The following CHM variants were observed in gnomAD, a reference collection of about 807,000 sequenced individuals.
CHM encodes rab proteins geranylgeranyltransferase component A 1.
A neutral mutation model predicts 49.0 loss-of-function variants in CHM; 10 were observed. That is an observed-to-expected ratio of 0.20 (90% CI 0.13 to 0.35). CHM has a LOEUF of 0.35. CHM is among the 10% of genes least tolerant of loss of function. The pLI, the probability that CHM is intolerant of heterozygous loss-of-function variation, is 1.00. For synonymous variants in CHM, 184 were observed against 167.5 expected (o/e 1.10, Z -0.76); for missense variants, 455 against 478.4 (o/e 0.95, Z 0.46).
At position 86,021,157 on chromosome X, in the gene CHM, T is replaced by TATATAC. The variant is rs1174140484; in HGVS notation, c.116+6333_116+6334insGTATAT. 3.7e-4 allele frequency among the ~76,000 whole-genome samples: 19 copies of TATATAC among 51,119 alleles called. 1 individual carries two copies. In the East Asian group the frequency reaches 7.7e-3, roughly 21 times the overall value. The allele number at this position is 51,119 out of a possible 115,157, so 44.4% of individuals were successfully genotyped here. A position where few individuals can be genotyped will look rare whatever the true frequency, so the allele number is the denominator to read the frequency against. On this transcript the variant is annotated intron_variant, in intron 2 of 14. Transcript: ENST00000357749. ...ATATATATATATATATATATATATA[T>TATATAC]ACACGTATATATATGTGTATATATA...
chrX:85,933,609 AG>A (rs1453983325), intron 8 of CHM, among the ~76,000 whole-genome samples: 1 of 112,282 alleles, frequency 8.9e-6, no homozygotes, highest in Non-Finnish European at 1.9e-5. Flanking sequence ...GCTATTTAAA[AG>A]GGTTATTTTA....
At chrX:86,039,833 G>C (rs746370048) in intron 1 of CHM, among the ~76,000 whole-genome samples, 1 of 111,366 alleles carries the variant, frequency 9.0e-6, no homozygotes, top group Non-Finnish European at 1.9e-5. Context: ...GAAGTGGCTC[G>C]ACTTCAGAGG....
intron 11 of CHM, among the ~76,000 whole-genome samples, 174 bp downstream of exon 11, chrX:85,900,472 T>G (rs377169419): frequency 4.0e-4 from 45 of 111,577 alleles, no homozygotes; most frequent in South Asian, 1.9e-3. Flanking sequence ...TATGGTATTA[T>G]ATATTTAAAA....
intron 8 of CHM, among the ~76,000 whole-genome samples, chrX:85,925,192 C>A (rs1928013530): frequency 9.0e-6 from 1 of 111,224 alleles, no homozygotes; most frequent in Non-Finnish European, 1.9e-5. Flanking sequence ...ATGTTTGGGT[C>A]AAACCCTAGC....
chrX:85,958,750 T>C lies in CHM; in HGVS notation c.819+111A>G. ...ACATTTGTAAATCACCACGGAGGAC[T>C]GGAATTTACTGCTTTATGAGGAAAA... On this transcript the variant is annotated intron_variant, in intron 6 of 14. Transcript: ENST00000357749. The C allele has an allele frequency of 7.1e-6, 8 of 1,121,334 alleles. No individual in the cohort carries two copies. The South Asian group carries it at 1.5e-4, about 22-fold the overall frequency. The allele number at this position is 1,121,334 out of a possible 1,213,427, so 92.4% of individuals were successfully genotyped here. A position where few individuals can be genotyped will look rare whatever the true frequency, so the allele number is the denominator to read the frequency against.
At position 85,937,672 on chromosome X, in the gene CHM, C is replaced by T. The variant is rs750545037; in HGVS notation, c.1166+18481G>A. Among the ~76,000 whole-genome samples the T allele has an allele frequency of 8.3e-5, 9 of 108,859 alleles. No individual in the cohort carries two copies. In the South Asian group the frequency reaches 3.7e-3, roughly 45 times the overall value. 94.5% of individuals were successfully genotyped at this position (108,859 alleles called of 115,157 possible). On this transcript the variant is annotated intron_variant, in intron 8 of 14. Coordinates refer to ENST00000357749, the MANE Select transcript of CHM (RefSeq NM_000390.4). ...CAGCCTGGGCAACATGGTGAAACCC[C>T]ACCTCCACTAAAAATACAAAAATTA...
chrX:85,975,263 A>G (rs1931189117), intron 4 of CHM, among the ~76,000 whole-genome samples: 1 of 112,310 alleles, frequency 8.9e-6, no homozygotes, highest in African/African-American at 3.2e-5. Flanking sequence ...TGCAATTACC[A>G]TATGACCCAG....
intron 4 of CHM, chrX:85,971,008 G>A (rs1930869291): frequency 1.5e-6 from 1 of 658,683 alleles, no homozygotes; most frequent in Admixed American, 8.9e-5. Context: ...CCTTTAAGTT[G>A]AATAATACTT....
rs1463689817 is a variant in CHM at position 85,962,986 on chromosome X, A to G, written c.702+679T>C. 2.7e-5 allele frequency among the ~76,000 whole-genome samples: 3 copies of G among 111,363 alleles called. No individual in the cohort carries two copies. The East Asian group carries it at 8.5e-4, about 32-fold the overall frequency. On this transcript the variant is annotated intron_variant, in intron 5 of 14. Coordinates refer to ENST00000357749, the MANE Select transcript of CHM (RefSeq NM_000390.4). ...CTCTGAAGCTTTCAAACCTGAACAC[A>G]TGATTTTTTTGAGACTTTTTTCTTA...
chrX:85,931,485 T>G (rs1257926185), intron 8 of CHM, among the ~76,000 whole-genome samples: 1 of 112,159 alleles, frequency 8.9e-6, no homozygotes, highest in Admixed American at 9.4e-5. Context: ...TCTAAAATTG[T>G]GTTTTCTTTT....
At chrX:85,873,235 T>G in intron 13 of CHM, 23 bp from the exon 14 acceptor site, 1 of 1,045,707 alleles carries the variant, frequency 9.6e-7, no homozygotes. Context: ...ATAAATTTTA[T>G]TTACATTCTA....
At chrX:85,893,979 T>C (rs1430847102) in intron 12 of CHM, among the ~76,000 whole-genome samples, 1 of 112,185 alleles carries the variant, frequency 8.9e-6, no homozygotes, top group Non-Finnish European at 1.9e-5. Flanking sequence ...TAAAACATCA[T>C]GCTTGTGAAG....
At chrX:85,871,320 A>AAAAAAAAAAAAG (rs1487188345) in intron 14 of CHM, among the ~76,000 whole-genome samples, 1 of 103,004 alleles carries the variant, frequency 9.7e-6, no homozygotes, top group African/African-American at 3.8e-5. Flanking sequence ...AAAAAAAAAA[A>AAAAAAAAAAAAG]AAGAAGAAAT....
chrX:85,971,577 C>A (rs965878859), intron 4 of CHM: 1 of 297,414 alleles, frequency 3.4e-6, no homozygotes, highest in African/African-American at 2.7e-5. Context: ...CTCATAAAAG[C>A]AGCGTGGACC....
At chrX:85,937,651 C>T (rs1349080115) in intron 8 of CHM, among the ~76,000 whole-genome samples, 1 of 109,369 alleles carries the variant, frequency 9.1e-6, no homozygotes, top group African/African-American at 3.3e-5. Context: ...CGAGACCAGC[C>T]TGGGCAACAT....
At chrX:86,028,868 C>T in intron 1 of CHM, among the ~76,000 whole-genome samples, 1 of 111,407 alleles carries the variant, frequency 9.0e-6, no homozygotes, top group South Asian at 3.8e-4. Flanking sequence ...AAAACAGCAC[C>T]AGTCTTTTGG....
chrX:85,964,184 A>G, intron 4 of CHM, 132 bp from the exon 5 acceptor site: 1 of 553,557 alleles, frequency 1.8e-6, no homozygotes, highest in South Asian at 3.5e-5. Flanking sequence ...TCAGTAAAAT[A>G]TGAAACAAAA....
chrX:85,873,947 G>GA (rs1924262505), intron 13 of CHM, among the ~76,000 whole-genome samples: 1 of 111,417 alleles, frequency 9.0e-6, no homozygotes, highest in Non-Finnish European at 1.9e-5. Context: ...ATGCCATTTT[G>GA]AGCACATGTT....
chrX:85,993,416 C>G (rs1468337959), intron 2 of CHM, among the ~76,000 whole-genome samples: 1 of 111,459 alleles, frequency 9.0e-6, no homozygotes, highest in African/African-American at 3.3e-5. Context: ...GCTATCCCTA[C>G]CACTGCTGCA....
Sources: gnomAD v4.1 joint callset for allele counts (sites outside exome capture counted in the v4.1 genomes callset) on GRCh38, gnomAD v4.1.1 for gene constraint, MANE v1.5 for transcripts, NCBI Gene and HGNC (gene_info 2026-07-23, HGNC 2026-07-21) for gene names.